The following LGALS8 variants were observed in gnomAD, a reference collection of about 807,000 sequenced individuals.
LGALS8 encodes the protein galectin 8.
LGALS8 carries 30 observed loss-of-function variants against 35.9 expected under a neutral mutation model. That is an observed-to-expected ratio of 0.83 (90% CI 0.62 to 1.13). The LOEUF (loss-of-function observed/expected upper bound fraction) is 1.13. LGALS8 is among the 50% of genes most tolerant of loss of function. LGALS8 has a pLI of 0.00. For synonymous variants in LGALS8, 138 were observed against 136.1 expected (o/e 1.01, Z -0.10); for missense variants, 366 against 388.7 (o/e 0.94, Z 0.49).
chr1:236,535,456 G>T (rs1470280626), intron 2 of LGALS8, among the ~76,000 whole-genome samples: 1 of 151,990 alleles, frequency 6.6e-6, no homozygotes, highest in Non-Finnish European at 1.5e-5. Context: ...TGGCTCTATA[G>T]ATTACTTTCT....
At chr1:236,528,727 G>A (rs1018045506) in intron 2 of LGALS8, among the ~76,000 whole-genome samples, 6 of 151,568 alleles carry the variant, frequency 4.0e-5, no homozygotes, top group Non-Finnish European at 7.4e-5. Context: ...GGTAAAGACA[G>A]AGTTTTGCCA....
chr1:236,550,225 G>A lies in LGALS8; in HGVS notation c.*2064G>A, dbSNP rs1170634597. On this transcript the variant is annotated 3_prime_UTR_variant, in exon 10 of 10. Coordinates refer to ENST00000366584, the MANE Select transcript of LGALS8 (RefSeq NM_201544.4). ...GAGGAGCTTCCTCGTGCCACCCAGT[G>A]TTTCTGGGCCCTCTGTGTGAGCAGC... The A allele has an allele frequency of 6.6e-6, 1 of 152,222 alleles. No individual in the cohort carries two copies. Among genetic ancestry groups the A allele is most frequent in the Non-Finnish European group, 1.5e-5 (1 of 68,060 alleles). 9.4% of individuals were successfully genotyped at this position (152,222 alleles called of 1,614,324 possible).
chr1:236,552,668 T>G lies in LGALS8; in HGVS notation c.*4507T>G, dbSNP rs766655698. On this transcript the variant is annotated 3_prime_UTR_variant, in exon 10 of 10. Transcript: ENST00000366584. ...ACGTCTAGGTGTTCCTCACATGCCT[T>G]GTCTATAATAAGGAAAGCAAGCAGT... 6.6e-6 allele frequency: 1 copy of G among 152,258 alleles called. No homozygotes were observed. Among genetic ancestry groups the G allele is most frequent in the Non-Finnish European group, 1.5e-5 (1 of 68,056 alleles). 9.4% of individuals were successfully genotyped at this position (152,258 alleles called of 1,614,324 possible).
chr1:236,551,143 G>C lies in LGALS8; in HGVS notation c.*2982G>C, dbSNP rs140534608. ...CATTAACAAAGCAGGAGGCGCCACG[G>C]ACCGCCTCCCTCCACACCGCTCCTT... On this transcript the variant is annotated 3_prime_UTR_variant, in exon 10 of 10. Transcript: ENST00000366584. 0.031 allele frequency: 18,787 copies of C among 614,958 alleles called. 456 individuals are homozygous for C. The highest frequency in any genetic ancestry group is 0.1 in the Admixed American group (3,201 of 30,552). The allele number at this position is 614,958 out of a possible 1,614,324, so 38.1% of individuals were successfully genotyped here.
chr1:236,538,796 C>T, intron 3 of LGALS8, 83 bp from the exon 4 acceptor site: 1 of 923,330 alleles, frequency 1.1e-6, no homozygotes, highest in Non-Finnish European at 1.8e-6. Flanking sequence ...GTCACTGGGC[C>T]TGGAGTGTAG....
chr1:236,543,651 C>T lies in LGALS8; in HGVS notation c.638+3C>T. ...GAAGTGAATGCAAATGCCAAAAGGT[C>T]AGTATCCTTCGGTACCAGTCACAGT... On this transcript the variant is annotated splice_donor_region_variant and intron_variant, in intron 8 of 9. Transcript: ENST00000366584. The T allele has an allele frequency of 6.2e-7, 1 of 1,608,372 alleles. No individual in the cohort carries two copies. The highest frequency in any genetic ancestry group is 8.5e-7 in the Non-Finnish European group (1 of 1,174,816).
chr1:236,538,101 A>AAAAAAAAAAAAAAAAAAAAAAAAAAG lies in LGALS8; in HGVS notation c.134+519_134+520insAAAAAAAAAAAAAAAAAAAAAAGAAA, dbSNP rs371245157. Among the ~76,000 whole-genome samples the AAAAAAAAAAAAAAAAAAAAAAAAAAG allele has an allele frequency of 1.1e-3, 102 of 96,038 alleles. 12 individuals carry two copies. The highest frequency in any genetic ancestry group is 1.7e-3 in the African/African-American group (50 of 30,094). The allele number at this position is 96,038 out of a possible 152,430, so 63.0% of individuals were successfully genotyped here. On this transcript the variant is annotated intron_variant, in intron 3 of 9. Coordinates refer to ENST00000366584, the MANE Select transcript of LGALS8 (RefSeq NM_201544.4). ...GCCTGGGTGACAAAAAAAAAAAAGA[A>AAAAAAAAAAAAAAAAAAAAAAAAAAG]AAAGAAAAAGAATTAGGTATGTCAT...
At chr1:236,531,993 T>C (rs1661175834) in intron 2 of LGALS8, among the ~76,000 whole-genome samples, 3 of 151,882 alleles carry the variant, frequency 2.0e-5, no homozygotes, top group African/African-American at 4.8e-5. Context: ...CAGCAAGGAG[T>C]TGTGACAACA....
Position 236,544,887 on chromosome 1 carries a change from T to C in LGALS8, c.776T>C (p.Phe259Ser). Residue 259 changes from phenylalanine to serine, a missense_variant, in exon 9 of 10, where the codon TTC (phenylalanine) becomes TCC (serine). Physicochemically the swap from Phe to Ser is radical, Grantham distance 155. Transcript: ENST00000366584. ...WGEEERNITS[F>S]PFSPGMYFEM... ...GAAGAAGAGAGAAATATTACCTCTTTCCCATTTAGTCCTGGGATGTACTTT... is the reference window on the plus strand; with the variant it reads ...GAAGAAGAGAGAAATATTACCTCTTCCCCATTTAGTCCTGGGATGTACTTT... 2 of 1,612,630 alleles carry C rather than the reference T, an allele frequency of 1.2e-6. No individual in the cohort carries two copies. The highest frequency in any genetic ancestry group is 1.7e-6 in the Non-Finnish European group (2 of 1,179,318).
chr1:236,543,804 C>T (rs1301576176), intron 8 of LGALS8, among the ~76,000 whole-genome samples, 156 bp downstream of exon 8: 2 of 152,046 alleles, frequency 1.3e-5, no homozygotes, highest in Admixed American at 1.3e-4. Context: ...AGATTGTGAA[C>T]AGCCAGTGGG....
At chr1:236,547,097 T>TTA (rs1662412734) in intron 9 of LGALS8, among the ~76,000 whole-genome samples, 1 of 152,148 alleles carries the variant, frequency 6.6e-6, no homozygotes, top group Admixed American at 6.5e-5. Context: ...TGGGGCCGGG[T>TTA]TAGCAGCAAG....
upstream of LGALS8, among the ~76,000 whole-genome samples, chr1:236,520,082 G>A (rs1018606925): frequency 1.3e-5 from 2 of 150,158 alleles, no homozygotes; most frequent in African/African-American, 2.5e-5. Context: ...TCAGCCTCCC[G>A]AGTAGCTGAA....
Position 236,538,086 on chromosome 1 carries a change from C to CAAAAAAAAAA in LGALS8, c.134+504_134+513dup, listed in dbSNP as rs548113542. Among the ~76,000 whole-genome samples the CAAAAAAAAAA allele has an allele frequency of 6.8e-4, 34 of 50,098 alleles. 1 individual carries two copies. The highest frequency in any genetic ancestry group is 1.4e-3 in the African/African-American group (28 of 20,694). 32.9% of individuals were successfully genotyped at this position (50,098 alleles called of 152,430 possible). A position where few individuals can be genotyped will look rare whatever the true frequency, so the allele number is the denominator to read the frequency against. ...AGCCACTGCACTATAGCCTGGGTGA[C>CAAAAAAAAAA]AAAAAAAAAAAAGAAAAAGAAAAAG... is the stretch of plus-strand genomic sequence containing the variant. On this transcript the variant is annotated intron_variant, in intron 3 of 9. Transcript: ENST00000366584.
rs1354260676 is a variant in LGALS8, at chr1:236,551,841, A to G, written c.*3680A>G. On this transcript the variant is annotated 3_prime_UTR_variant, in exon 10 of 10. Coordinates refer to ENST00000366584, the MANE Select transcript of LGALS8 (RefSeq NM_201544.4). ...CCACCCAACTCAAAACAGGAGCTCG[A>G]GCCTGCCTGTATTTGAGACTGGAGC... 3.9e-5 allele frequency: 23 copies of G among 584,584 alleles called. No homozygotes were observed. The highest frequency in any genetic ancestry group is 2.7e-5 in the Non-Finnish European group (9 of 330,052). 36.2% of individuals were successfully genotyped at this position (584,584 alleles called of 1,614,324 possible).
chr1:236,527,689 CAA>C (rs74680187), intron 2 of LGALS8, among the ~76,000 whole-genome samples: 11 of 150,194 alleles, frequency 7.3e-5, no homozygotes, highest in South Asian at 2.1e-4. Flanking sequence ...TTCAATGTTC[CAA>C]AAAAAAAGGC....
intron 9 of LGALS8, among the ~76,000 whole-genome samples, chr1:236,545,421 T>C (rs1017276741): frequency 6.6e-6 from 1 of 152,200 alleles, no homozygotes; most frequent in Non-Finnish European, 1.5e-5. Context: ...TAGGTGAATA[T>C]TGTAACACAT....
chr1:236,527,391 C>T (rs1558155091), intron 2 of LGALS8, among the ~76,000 whole-genome samples: 1 of 152,182 alleles, frequency 6.6e-6, no homozygotes, highest in Non-Finnish European at 1.5e-5. Context: ...AGAAGTAGTT[C>T]TGCGCTAGAG....
chr1:236,537,034 T>TTTTTTTTTTTTTTTTA (rs1661566425), intron 2 of LGALS8, among the ~76,000 whole-genome samples: 1 of 144,968 alleles, frequency 6.9e-6, no homozygotes, highest in Non-Finnish European at 1.5e-5. Flanking sequence ...TTTTTTTTTT[T>TTTTTTTTTTTTTTTTA]GAGACGGAGC....
chr1:236,543,431 A>T, intron 7 of LGALS8, 129 bp from the exon 8 acceptor site: 1 of 769,294 alleles, frequency 1.3e-6, no homozygotes, highest in South Asian at 1.5e-5. Flanking sequence ...ACCAAGGCAG[A>T]CTGTCTCTCC....
Sources: allele counts gnomAD v4.1 joint callset (sites outside exome capture counted in the v4.1 genomes callset), GRCh38; gene constraint gnomAD v4.1.1; transcripts MANE v1.5; gene names NCBI Gene and HGNC (gene_info 2026-07-23, HGNC 2026-07-21).